ATP10B: variants seen among roughly 807,000 people sequenced by gnomAD.
The protein encoded by ATP10B is phospholipid-transporting ATPase VB.
ATP10B carries 122 observed loss-of-function variants against 141.2 expected under a neutral mutation model. The observed-to-expected ratio is 0.86, with a 90% CI of 0.75 to 1.00. The LOEUF (loss-of-function observed/expected upper bound fraction) is 1.00. Among genes scored for constraint, ATP10B ranks in the 50% least tolerant of loss-of-function variants. ATP10B has a pLI of 0.00. For missense variants in ATP10B, 1,876 were observed against 1,825.3 expected (o/e 1.03, Z -0.51); for synonymous variants, 685 against 692.0 (o/e 0.99, Z 0.16).
At chr5:160,671,674 G>A (rs1485986737) in intron 6 of ATP10B, among the ~76,000 whole-genome samples, 1 of 152,116 alleles carries the variant, frequency 6.6e-6, no homozygotes, top group Non-Finnish European at 1.5e-5. Flanking sequence ...ATAGTGACAG[G>A]AACAATGACA....
intron 18 of ATP10B, among the ~76,000 whole-genome samples, chr5:160,608,558 C>A (rs1419608772): frequency 6.6e-6 from 1 of 152,120 alleles, no homozygotes; most frequent in African/African-American, 2.4e-5. Flanking sequence ...AGTGTAAAAG[C>A]ATTCCAAATT....
intron 1 of ATP10B, among the ~76,000 whole-genome samples, chr5:160,822,634 G>A (rs1412722998): frequency 6.6e-6 from 1 of 151,960 alleles, no homozygotes; most frequent in Non-Finnish European, 1.5e-5. Flanking sequence ...CAGGTGAATG[G>A]ATACAGAAAA....
At chr5:160,730,614 A>T (rs1257731828) in intron 2 of ATP10B, among the ~76,000 whole-genome samples, 1 of 152,046 alleles carries the variant, frequency 6.6e-6, no homozygotes, top group African/African-American at 2.4e-5. Context: ...TTTCTTTTGC[A>T]TGTGCACACT....
intron 9 of ATP10B, among the ~76,000 whole-genome samples, chr5:160,642,498 C>T (rs571019331): frequency 9.2e-5 from 14 of 152,230 alleles, no homozygotes; most frequent in Admixed American, 2.0e-4. Flanking sequence ...CATTTGGCAA[C>T]GTCTTGAGAA....
the ATP10B span, among the ~76,000 whole-genome samples, chr5:160,915,450 G>A: frequency 6.6e-6 from 1 of 151,928 alleles, no homozygotes; most frequent in African/African-American, 2.4e-5. Flanking sequence ...TCCTGTCTCA[G>A]CCTCCTGAGT....
the ATP10B span, among the ~76,000 whole-genome samples, chr5:160,865,796 C>A: frequency 6.6e-6 from 1 of 152,012 alleles, no homozygotes; most frequent in African/African-American, 2.4e-5. Context: ...ACACAAACAG[C>A]CAACAAACAT....
In ATP10B at chr5:160,597,296, A is replaced by C. The variant is rs528166933; in HGVS notation, c.3564+1474T>G. ...CCTGACAAAAACTAGCAATGGGGAA[A>C]GGATTCCCTTTTTAATAAATGGTGC... On this transcript the variant is annotated intron_variant, in intron 22 of 25. Coordinates refer to ENST00000327245, the MANE Select transcript of ATP10B (RefSeq NM_025153.3). Among the ~76,000 whole-genome samples the C allele has an allele frequency of 3.3e-5, 5 of 152,382 alleles. No homozygotes were observed. In the South Asian group the frequency reaches 1.0e-3, roughly 32 times the overall value.
chr5:160,878,406 G>C, the ATP10B span, among the ~76,000 whole-genome samples: 1 of 151,738 alleles, frequency 6.6e-6, no homozygotes, highest in South Asian at 2.1e-4. Flanking sequence ...AGACTTAAAC[G>C]TTAGACCTAA....
In ATP10B at chr5:160,812,020, CAGAGAGAGAGAGAGAG is replaced by C. The variant is rs34793101; in HGVS notation, c.-575-26233_-575-26218del. ...AGAGAGACAGAGACAGAGACAGAGA[CAGAGAGAGAGAGAGAG>C]AGAGAGAGAGAGAGAGAGAGAGAGG... On this transcript the variant is annotated intron_variant, in intron 1 of 25. Transcript: ENST00000327245. Among the ~76,000 whole-genome samples the C allele has an allele frequency of 2.2e-4, 24 of 111,526 alleles. No homozygotes were observed. The South Asian group carries it at 2.5e-3, about 12-fold the overall frequency. The allele number at this position is 111,526 out of a possible 152,430, so 73.2% of individuals were successfully genotyped here.
intron 7 of ATP10B, among the ~76,000 whole-genome samples, chr5:160,656,746 G>C (rs537792736): frequency 1.3e-5 from 2 of 152,050 alleles, no homozygotes; most frequent in African/African-American, 4.8e-5. Context: ...TTCTTACAGG[G>C]TTAGAAGAAC....
At chr5:160,821,393 T>C (rs1774092245) in intron 1 of ATP10B, among the ~76,000 whole-genome samples, 2 of 152,186 alleles carry the variant, frequency 1.3e-5, no homozygotes, top group South Asian at 2.1e-4. Context: ...AGATATTCCA[T>C]GTTCATGAAT....
At chr5:160,736,990 T>C (rs1341353522) in intron 2 of ATP10B, among the ~76,000 whole-genome samples, 1 of 152,164 alleles carries the variant, frequency 6.6e-6, no homozygotes, top group African/African-American at 2.4e-5. Flanking sequence ...CTGATGAATA[T>C]TGATGCAAAA....
chr5:160,752,435 A>G (rs1768222151), intron 2 of ATP10B, among the ~76,000 whole-genome samples: 1 of 152,128 alleles, frequency 6.6e-6, no homozygotes, highest in Non-Finnish European at 1.5e-5. Flanking sequence ...ACTCCCTCTC[A>G]AAGATTTGCC....
chr5:160,866,730 A>G, the ATP10B span, among the ~76,000 whole-genome samples: 1 of 152,104 alleles, frequency 6.6e-6, no homozygotes, highest in African/African-American at 2.4e-5. Context: ...GACTTTGGGT[A>G]CTTGTGGGGA....
At chr5:160,850,429 A>T (rs1458993449) in intron 1 of ATP10B, among the ~76,000 whole-genome samples, 2 of 152,080 alleles carry the variant, frequency 1.3e-5, no homozygotes, top group African/African-American at 4.8e-5. Flanking sequence ...ATCTCAAAAC[A>T]AAACAAAATA....
chr5:160,768,065 G>A (rs1581495099), intron 2 of ATP10B, among the ~76,000 whole-genome samples: 1 of 151,930 alleles, frequency 6.6e-6, no homozygotes. Context: ...ACTCCTTCCC[G>A]AGGTAGGTAG....
At chr5:160,794,548 G>A (rs886301268) in intron 1 of ATP10B, among the ~76,000 whole-genome samples, 2 of 152,336 alleles carry the variant, frequency 1.3e-5, no homozygotes, top group South Asian at 2.1e-4. Flanking sequence ...GGGCTGGGAT[G>A]AGATAATCCT....
At chr5:160,715,814 C>T (rs551882803) in intron 3 of ATP10B, among the ~76,000 whole-genome samples, 2 of 152,002 alleles carry the variant, frequency 1.3e-5, no homozygotes, top group South Asian at 4.1e-4. Flanking sequence ...TAGGTTCAAG[C>T]AATTCTCTGA....
intron 1 of ATP10B, among the ~76,000 whole-genome samples, chr5:160,847,216 A>T (rs1356011254): frequency 2.0e-5 from 3 of 152,198 alleles, no homozygotes; most frequent in African/African-American, 7.2e-5. Context: ...TTCCTGGGGC[A>T]TTTCATCAGA....
Sources: gnomAD v4.1 joint callset for allele counts (sites outside exome capture counted in the v4.1 genomes callset) on GRCh38, gnomAD v4.1.1 for gene constraint, MANE v1.5 for transcripts, NCBI Gene and HGNC (gene_info 2026-07-23, HGNC 2026-07-21) for gene names.